Variants in ZNF705G observed in about 807,000 individuals in gnomAD.
ZNF705G encodes putative zinc finger protein 705G.
Under a neutral mutation model 19.6 loss-of-function variants are expected in ZNF705G, and 23 were observed. The ratio of observed to expected loss-of-function variants is 1.17; its 90% CI spans 0.84 to 1.66. The LOEUF is 1.66. Ranked by LOEUF, ZNF705G falls within the 40% of genes most tolerant of loss-of-function variation. The probability of loss-of-function intolerance (pLI) is 0.00; values close to 1 mark genes in which losing one functional copy is unlikely to be tolerated. For missense variants in ZNF705G, 457 were observed against 354.4 expected, an observed-to-expected ratio of 1.29 and a Z score of -2.32; for synonymous variants, 146 against 117.7, an observed-to-expected ratio of 1.24 and a Z score of -1.56.
chr8:7,363,792 G>A (rs1806716483), intron 2 of ZNF705G, among the ~76,000 whole-genome samples: 1 of 149,264 alleles, frequency 6.7e-6, no homozygotes, highest in Non-Finnish European at 1.5e-5. Context: ...CTGCACTCCA[G>A]CGAGGGTGAC....
At chr8:7,367,598 T>C (rs1273710189) in intron 2 of ZNF705G, among the ~76,000 whole-genome samples, 1 of 149,562 alleles carries the variant, frequency 6.7e-6, no homozygotes, top group African/African-American at 2.6e-5. Context: ...AAAGGACGAA[T>C]CACGGGAAAG....
At chr8:7,383,709 C>T (rs201007208) in intron 1 of ZNF705G, among the ~76,000 whole-genome samples, 702 of 148,928 alleles carry the variant, frequency 4.7e-3, no homozygotes, top group East Asian at 0.035. Flanking sequence ...GGATTGCTGC[C>T]CTTATAAAAG....
At position 7,358,530 on chromosome 8, in the gene ZNF705G, C is replaced by T; in HGVS notation, c.349G>A (p.Glu117Lys). The change falls in exon 7 of 7, where the codon GAA becomes AAA. Residue 117 changes from glutamate (E) to lysine (K), a missense_variant. Transcript: ENST00000400156. The part of the protein sequence containing the change: ...ENSLILEDPF[E>K]CNDSGEDCTR... ...CAATCTTCTCCCGAATCATTACATT[C>T]AAAAGGATCCTCCAGAATGAGAGAG... is the stretch of plus-strand genomic sequence containing the variant. The T allele has an allele frequency of 1.9e-6, 3 of 1,607,512 alleles. No individual in the cohort carries two copies. Among genetic ancestry groups the T allele is most frequent in the East Asian group, 2.2e-5 (1 of 44,852 alleles).
intron 6 of ZNF705G, among the ~76,000 whole-genome samples, chr8:7,359,363 T>C: frequency 6.7e-6 from 1 of 149,978 alleles, no homozygotes; most frequent in South Asian, 2.1e-4. Context: ...ATTGCATAAT[T>C]GTGTTGATAT....
rs1468246591 is a variant in ZNF705G at position 7,356,018 on chromosome 8, G to T, written c.*1958C>A. 1.3e-5 allele frequency: 2 copies of T among 149,518 alleles called. No homozygotes were observed. Among genetic ancestry groups the T allele is most frequent in the Non-Finnish European group, 2.9e-5 (2 of 68,036 alleles). The allele number at this position is 149,518 out of a possible 1,614,324, so 9.3% of individuals were successfully genotyped here. A position where few individuals can be genotyped will look rare whatever the true frequency, so the allele number is the denominator to read the frequency against. ...GTAAGGCCGATCGTATTAAGATTGT[G>T]CCTGTTTGGCAAAATTTCAAGTCAT... is the stretch of plus-strand genomic sequence containing the variant. On this transcript the variant is annotated 3_prime_UTR_variant, in exon 7 of 7. Coordinates refer to ENST00000400156, the MANE Select transcript of ZNF705G (RefSeq NM_001164457.3).
chr8:7,357,532 A>G lies in ZNF705G; in HGVS notation c.*444T>C, dbSNP rs1228830670. 4.8e-6 allele frequency: 1 copy of G among 207,818 alleles called. No homozygotes were observed. The highest frequency in any genetic ancestry group is 9.4e-6 in the Non-Finnish European group (1 of 106,560). The allele number at this position is 207,818 out of a possible 1,614,324, so 12.9% of individuals were successfully genotyped here. On this transcript the variant is annotated 3_prime_UTR_variant, in exon 7 of 7. Transcript: ENST00000400156. ...TAGAGATTCTCTACCTGAAAGTCCC[A>G]CATGTTTTAAGTTATAGCTGTTGCT... is the stretch of plus-strand genomic sequence containing the variant.
chr8:7,366,146 C>T (rs558281786), intron 2 of ZNF705G, among the ~76,000 whole-genome samples: 2 of 147,578 alleles, frequency 1.4e-5, no homozygotes, highest in Non-Finnish European at 2.9e-5. Flanking sequence ...TCAGATTACA[C>T]TATAAATGGA....
chr8:7,369,372 G>C (rs773474182), intron 2 of ZNF705G, among the ~76,000 whole-genome samples: 1 of 149,386 alleles, frequency 6.7e-6, no homozygotes, highest in Non-Finnish European at 1.5e-5. Context: ...GAGGGAAAAT[G>C]TGGCGTTGGA....
At chr8:7,382,543 A>G (rs1168171148) in intron 1 of ZNF705G, among the ~76,000 whole-genome samples, 1 of 146,448 alleles carries the variant, frequency 6.8e-6, no homozygotes, top group Non-Finnish European at 1.5e-5. Flanking sequence ...CACCCTTTAA[A>G]CATTTTTTAT....
At chr8:7,362,823 A>T (rs1224430638) in intron 3 of ZNF705G, 112 bp downstream of exon 3, 1 of 1,585,808 alleles carries the variant, frequency 6.3e-7, no homozygotes. Context: ...CATCATAAAA[A>T]CAAACAAACA....
intron 4 of ZNF705G, among the ~76,000 whole-genome samples, 198 bp from the exon 5 acceptor site, chr8:7,360,530 T>A (rs539557088): frequency 7.4e-5 from 11 of 149,404 alleles, no homozygotes; most frequent in Admixed American, 3.9e-4. Context: ...CAAAGGTCCA[T>A]CAGGAAAAGG....
chr8:7,380,087 G>A (rs1168597388), intron 2 of ZNF705G, among the ~76,000 whole-genome samples: 10 of 143,784 alleles, frequency 7.0e-5, no homozygotes, highest in East Asian at 1.9e-4. Context: ...ATTCACTAGG[G>A]AGGCTGCCCC....
At chr8:7,385,436 G>A (rs1245198339) in intron 1 of ZNF705G, 62 bp downstream of exon 1, 2 of 149,228 alleles carry the variant, frequency 1.3e-5, no homozygotes, top group Admixed American at 6.6e-5. Flanking sequence ...CACCCTGAAA[G>A]CAAGCCTCTT....
At chr8:7,383,942 G>A (rs1313729419) in intron 1 of ZNF705G, among the ~76,000 whole-genome samples, 10 of 141,222 alleles carry the variant, frequency 7.1e-5, no homozygotes, top group Non-Finnish European at 1.5e-4. Context: ...AGGAAGGAAG[G>A]CAGGGAGGAA....
At chr8:7,359,472 A>G (rs1176492983) in intron 6 of ZNF705G, 147 bp downstream of exon 6, 9 of 1,401,882 alleles carry the variant, frequency 6.4e-6, no homozygotes, top group Admixed American at 4.5e-5. Context: ...TGTATTCACT[A>G]AATTCAAAGT....
In ZNF705G at chr8:7,355,924, A is replaced by G. The variant is rs1806200607; in HGVS notation, c.*2052T>C. Reference sequence around the variant, plus strand: ...AAACCCTGGCTGCAGAGTAAAATCAATCACTTGTAGAGATTTTAAAATATA... The same window carrying G: ...AAACCCTGGCTGCAGAGTAAAATCAGTCACTTGTAGAGATTTTAAAATATA... On this transcript the variant is annotated 3_prime_UTR_variant, in exon 7 of 7. Transcript: ENST00000400156. 1 of 149,696 alleles carries G rather than the reference A, an allele frequency of 6.7e-6. No individual in the cohort carries two copies. Among genetic ancestry groups the G allele is most frequent in the African/African-American group, 2.6e-5 (1 of 39,062 alleles). 9.3% of individuals were successfully genotyped at this position (149,696 alleles called of 1,614,324 possible).
rs564278733 is a variant in ZNF705G, at chr8:7,363,579, G to T, written c.-71-562C>A. Among the ~76,000 whole-genome samples, 52 of 149,754 alleles carry T rather than the reference G, an allele frequency of 3.5e-4. 3 individuals are homozygous for T. Among genetic ancestry groups the T allele is most frequent in the African/African-American group, 1.3e-3 (51 of 39,154 alleles). On this transcript the variant is annotated intron_variant, in intron 2 of 6. Transcript: ENST00000400156. ...CTCACGCCTGTAATCCCAGCACTTT[G>T]GGAGGCCAAGGCACGTGGATCACCT...
At chr8:7,362,145 A>C (rs553021363) in intron 3 of ZNF705G, among the ~76,000 whole-genome samples, 1 of 149,664 alleles carries the variant, frequency 6.7e-6, no homozygotes, top group Non-Finnish European at 1.5e-5. Context: ...TTTTCTAACC[A>C]GCCCTTATAA....
rs1290762462 is a variant in ZNF705G at position 7,368,835 on chromosome 8, G to T, written c.-71-5818C>A. 2.0e-5 allele frequency among the ~76,000 whole-genome samples: 3 copies of T among 149,710 alleles called. No homozygotes were observed. The East Asian group carries it at 5.8e-4, about 29-fold the overall frequency. Reference sequence around the variant, plus strand: ...CATGGCTAAAAGGGCCCCAGACATTGTTTGGGCCACCGCTTTAGAGGGTGC... The same window carrying T: ...CATGGCTAAAAGGGCCCCAGACATTTTTTGGGCCACCGCTTTAGAGGGTGC... On this transcript the variant is annotated intron_variant, in intron 2 of 6. Coordinates refer to ENST00000400156, the MANE Select transcript of ZNF705G (RefSeq NM_001164457.3).
Sources: allele counts gnomAD v4.1 joint callset (sites outside exome capture counted in the v4.1 genomes callset), GRCh38; gene constraint gnomAD v4.1.1; transcripts MANE v1.5; gene names NCBI Gene and HGNC (gene_info 2026-07-23, HGNC 2026-07-21).